CDAN1: variants seen among roughly 807,000 people sequenced by gnomAD.
CDAN1 encodes codanin-1.
CDAN1 carries 107 observed loss-of-function variants against 139.8 expected under a neutral mutation model. The observed-to-expected ratio is 0.77, with a 90% CI of 0.65 to 0.90. The LOEUF is 0.90. Ranked by LOEUF, CDAN1 falls within the 40% of genes least tolerant of loss-of-function variation. The probability of loss-of-function intolerance (pLI) is 0.00; values close to 1 mark genes in which losing one functional copy is unlikely to be tolerated. For synonymous variants in CDAN1, 776 were observed against 660.6 expected, an observed-to-expected ratio of 1.17 and a Z score of -2.68; for missense variants, 1,667 against 1,575.7, an observed-to-expected ratio of 1.06 and a Z score of -0.98.
Position 42,734,225 on chromosome 15 carries a change from C to G in CDAN1, c.1257+1G>C. The G allele has an allele frequency of 6.2e-7, 1 of 1,614,132 alleles. No homozygotes were observed. Among genetic ancestry groups the G allele is most frequent in the Non-Finnish European group, 8.5e-7 (1 of 1,180,042 alleles). The stretch of plus-strand genomic sequence containing the variant: ...GTGGGCAACTAAGCTGGGGTTACTA[C>G]CTTGGCAACACTGCCCTCATAGGCA... On this transcript the variant is annotated splice_donor_variant, in intron 7 of 27. Coordinates refer to ENST00000356231, the MANE Select transcript of CDAN1 (RefSeq NM_138477.4). LOFTEE classifies it high-confidence loss of function.
chr15:42,725,140 T>C lies in CDAN1; in HGVS notation c.3558+4A>G. 1.2e-6 allele frequency: 2 copies of C among 1,609,816 alleles called. No individual in the cohort carries two copies. ...CTCCACCTAAAAGACAGGAGACTCC[T>C]TACCCCTGGCCACTGGGCCTGGTGG... On this transcript the variant is annotated splice_donor_region_variant and intron_variant, in intron 27 of 27. Coordinates refer to ENST00000356231, the MANE Select transcript of CDAN1 (RefSeq NM_138477.4).
chr15:42,733,962 G>C lies in CDAN1; in HGVS notation c.1343C>G (p.Ala448Gly), dbSNP rs756751632. The C allele has an allele frequency of 1.9e-6, 3 of 1,613,544 alleles. No individual in the cohort carries two copies. The highest frequency in any genetic ancestry group is 2.5e-6 in the Non-Finnish European group (3 of 1,179,488). Reference protein sequence around the residue: ...DNRANFSSDRAFHTFKKQRDV... With the variant: ...DNRANFSSDRGFHTFKKQRDV... ...CCTCTGTTTCTTAAAAGTATGAAAG[G>C]CTCGGTCACTGGAGAAGTTGGCACG... The change falls in exon 8 of 28, where the codon GCC (alanine) becomes GGC (glycine). Residue 448 changes from alanine to glycine, a missense_variant. This residue lies in a region of CDAN1 where 244 missense variants were observed against 309.4 expected (regional missense o/e 0.79). Transcript: ENST00000356231.
chr15:42,725,070 C>T (rs2061504483), intron 27 of CDAN1, 74 bp downstream of exon 27: 6 of 1,282,276 alleles, frequency 4.7e-6, no homozygotes, highest in Middle Eastern at 1.9e-4. Context: ...GGCCCCATCA[C>T]TTGCTTCCTT....
In CDAN1 at chr15:42,724,465, G is replaced by GC; in HGVS notation, c.*25dup. ...CGGGGGTCCAGGGTTCTGGTGCAAT[G>GC]CCCAAGGCAGGGCCACTTCTCAGCC... On this transcript the variant is annotated 3_prime_UTR_variant, in exon 28 of 28. Coordinates refer to ENST00000356231, the MANE Select transcript of CDAN1 (RefSeq NM_138477.4). 6.4e-7 allele frequency: 1 copy of GC among 1,571,486 alleles called. No individual in the cohort carries two copies.
chr15:42,730,654 A>C lies in CDAN1; in HGVS notation c.2118T>G (p.Val706=). ...LVEFLSFADH[V]VPLLEYYRDI... is the part of the protein sequence containing the mutation. Reference sequence around the variant, plus strand: ...CCCGGTAATATTCCAGCAAGGGAACAACATGGTCAGCAAAGGAGAGAAACT... The same window carrying C: ...CCCGGTAATATTCCAGCAAGGGAACCACATGGTCAGCAAAGGAGAGAAACT... Residue 706 remains valine, a synonymous_variant, in exon 14 of 28, where the codon GTT becomes GTG. Transcript: ENST00000356231. 6.2e-7 allele frequency: 1 copy of C among 1,614,218 alleles called. No homozygotes were observed. Among genetic ancestry groups the C allele is most frequent in the Non-Finnish European group, 8.5e-7 (1 of 1,180,042 alleles).
chr15:42,736,985 A>T, intron 1 of CDAN1, 28 bp downstream of exon 1: 2 of 1,535,512 alleles, frequency 1.3e-6, no homozygotes. Context: ...GCTTCGAGTC[A>T]GACCTGGGGG....
rs932877749 is a variant in CDAN1 at position 42,724,982 on chromosome 15, T to C, written c.3558+162A>G. 4.2e-6 allele frequency: 3 copies of C among 710,106 alleles called. No homozygotes were observed. The African/African-American group carries it at 5.3e-5, about 12-fold the overall frequency. 44.0% of individuals were successfully genotyped at this position (710,106 alleles called of 1,614,324 possible). The stretch of plus-strand genomic sequence containing the variant: ...TTCGTCCGTCTTCCCACTAACACAG[T>C]CCCTCATATAATAACTACTCAAATC... On this transcript the variant is annotated intron_variant, in intron 27 of 27. Transcript: ENST00000356231.
rs764112423 is a variant in CDAN1 at position 42,725,237 on chromosome 15, T to G, written c.3465A>C (p.Leu1155=). The part of the protein sequence containing the change: ...DTRPREWDLL[L]FLLRELVEKG... Reference sequence around the variant, plus strand: ...TCTCCACCAGCTCCCGTAGCAAGAATAGCAGCAAGTCCCACTGCAAAACAC... The same window carrying G: ...TCTCCACCAGCTCCCGTAGCAAGAAGAGCAGCAAGTCCCACTGCAAAACAC... Residue 1155 remains leucine (L), a synonymous_variant, in exon 27 of 28, where the codon CTA becomes CTC. Transcript: ENST00000356231. 38 of 1,614,036 alleles carry G rather than the reference T, an allele frequency of 2.4e-5. No individual in the cohort carries two copies. The highest frequency in any genetic ancestry group is 5.5e-5 in the South Asian group (5 of 91,094).
chr15:42,731,809 C>G lies in CDAN1; in HGVS notation c.1550G>C (p.Gly517Ala). Residue 517 changes from glycine (G) to alanine (A), a missense_variant, in exon 11 of 28, where the codon GGT becomes GCT. Gly to Ala is a moderately conservative substitution (Grantham distance 60). Transcript: ENST00000356231. ...GCCCAAGACGGTGCCCCCAGCACCA[C>G]CAGGGCTCTGACACATCTAGGGTGG... ...KQLLQMCQSP[G>A]GAGGTVLGEA... The G allele has an allele frequency of 6.2e-7, 1 of 1,613,798 alleles. No homozygotes were observed. The highest frequency in any genetic ancestry group is 1.1e-5 in the South Asian group (1 of 91,074).
rs767169772 is a variant in CDAN1, at chr15:42,726,293, C to T, written c.3204+17G>A. The T allele has an allele frequency of 1.3e-6, 2 of 1,586,496 alleles. No individual in the cohort carries two copies. The highest frequency in any genetic ancestry group is 3.6e-5 in the Admixed American group (2 of 54,938). On this transcript the variant is annotated intron_variant, in intron 24 of 27. Coordinates refer to ENST00000356231, the MANE Select transcript of CDAN1 (RefSeq NM_138477.4). Reference sequence around the variant, plus strand: ...GACACAGAAAAAAGCCCCCCGGTGGCAGATGCCACAGCTCACCTGGCGGCA... The same window carrying T: ...GACACAGAAAAAAGCCCCCCGGTGGTAGATGCCACAGCTCACCTGGCGGCA...
Position 42,737,059 on chromosome 15 carries a change from A to T in CDAN1, c.44T>A (p.Val15Asp), listed in dbSNP as rs1345335826. 6.5e-7 allele frequency: 1 copy of T among 1,532,684 alleles called. No individual in the cohort carries two copies. The highest frequency in any genetic ancestry group is 8.8e-7 in the Non-Finnish European group (1 of 1,137,576). The allele number at this position is 1,532,684 out of a possible 1,614,324, so 94.9% of individuals were successfully genotyped here. A position where few individuals can be genotyped will look rare whatever the true frequency, so the allele number is the denominator to read the frequency against. ...LESLLREEVS[V>D]AAVVRWIARS... ...CGCGATCCACCGCACGACGGCTGCG[A>T]CCGACACCTCTTCTCGCAGCAGCGA... The change falls in exon 1 of 28, where the codon GTC becomes GAC. Residue 15 changes from valine (V) to aspartate (D), a missense_variant. Val to Asp is a radical substitution (Grantham distance 152). This residue lies in a region of CDAN1 where 487 missense variants were observed against 422.2 expected (regional missense o/e 1.15). Transcript: ENST00000356231.
At chr15:42,734,445 G>A in intron 6 of CDAN1, 99 bp from the exon 7 acceptor site, 1 of 1,478,406 alleles carries the variant, frequency 6.8e-7, no homozygotes, top group Non-Finnish European at 9.4e-7. Flanking sequence ...GCATGGCGCA[G>A]GTATGCAAGC....
In CDAN1 at chr15:42,726,302, C is replaced by T. The variant is rs1595849735; in HGVS notation, c.3204+8G>A. 6.3e-7 allele frequency: 1 copy of T among 1,588,018 alleles called. No homozygotes were observed. ...AAAAGCCCCCCGGTGGCAGATGCCA[C>T]AGCTCACCTGGCGGCACCGCAGCGT... is the stretch of plus-strand genomic sequence containing the variant. On this transcript the variant is annotated splice_region_variant and intron_variant, in intron 24 of 27. Coordinates refer to ENST00000356231, the MANE Select transcript of CDAN1 (RefSeq NM_138477.4).
intron 23 of CDAN1, 140 bp from the exon 24 acceptor site, chr15:42,726,557 TA>T: frequency 1.5e-6 from 1 of 671,554 alleles, no homozygotes; most frequent in Non-Finnish European, 2.6e-6. Context: ...AAGTTGCCCC[TA>T]GACCTGGGAC....
At chr15:42,734,369 G>T in intron 6 of CDAN1, 23 bp from the exon 7 acceptor site, 1 of 1,613,768 alleles carries the variant, frequency 6.2e-7, no homozygotes, top group South Asian at 1.1e-5. Context: ...GAGCACCTAT[G>T]ACTGAGACCA....
intron 23 of CDAN1, 85 bp from the exon 24 acceptor site, chr15:42,726,502 G>T: frequency 1.9e-6 from 2 of 1,062,446 alleles, no homozygotes; most frequent in South Asian, 1.4e-5. Context: ...ATCAGCCAGT[G>T]GAGAGAGGCA....
At chr15:42,725,765 G>A (rs1480459793) in intron 25 of CDAN1, 95 bp from the exon 26 acceptor site, 21 of 1,293,996 alleles carry the variant, frequency 1.6e-5, no homozygotes, top group Non-Finnish European at 2.2e-5. Flanking sequence ...GGCTGAGGTG[G>A]GCAGATCAGG....
In CDAN1 at chr15:42,729,565, C is replaced by T. The variant is rs2061581152; in HGVS notation, c.2407+3G>A. ...GGACCGTCCAGGGAAGACCGGTGCT[C>T]ACCGATGTAGGGGCAGCAGGTGTAG... On this transcript the variant is annotated splice_donor_region_variant and intron_variant, in intron 17 of 27. Coordinates refer to ENST00000356231, the MANE Select transcript of CDAN1 (RefSeq NM_138477.4). 6.2e-7 allele frequency: 1 copy of T among 1,614,012 alleles called. No individual in the cohort carries two copies. The highest frequency in any genetic ancestry group is 8.5e-7 in the Non-Finnish European group (1 of 1,180,032).
chr15:42,727,733 C>A lies in CDAN1; in HGVS notation c.2984G>T (p.Arg995Leu), dbSNP rs369919247. Residue 995 changes from arginine (R) to leucine (L), a missense_variant, in exon 23 of 28, where the codon CGC (arginine) becomes CTC (leucine). By Grantham distance (102) the Arg-to-Leu change is moderately radical. Coordinates refer to ENST00000356231, the MANE Select transcript of CDAN1 (RefSeq NM_138477.4). Reference sequence around the variant, plus strand: ...TTCAGGACCCTGGGCTCGAAGTGTGCGACTCACTGCTGCTTTCACCTCCCT... The same window carrying A: ...TTCAGGACCCTGGGCTCGAAGTGTGAGACTCACTGCTGCTTTCACCTCCCT... Reference protein sequence around the residue: ...IRREVKAAVSRTLRAQGPEPA... With the variant: ...IRREVKAAVSLTLRAQGPEPA... 10 of 1,587,504 alleles carry A rather than the reference C, an allele frequency of 6.3e-6. No homozygotes were observed. In the Admixed American group the frequency reaches 1.5e-4, roughly 24 times the overall value.
Sources: gnomAD v4.1 joint callset for allele counts on GRCh38, gnomAD v4.1.1 for gene constraint, gnomAD v4.1.1 regional missense constraint, MANE v1.5 for transcripts, NCBI Gene and HGNC (gene_info 2026-07-23, HGNC 2026-07-21) for gene names.